The following CNTNAP4 variants were observed in gnomAD, a reference collection of about 807,000 sequenced individuals.
CNTNAP4 encodes contactin associated protein family member 4, also known as contactin-associated protein-like 4.
Under a neutral mutation model 148.4 loss-of-function variants are expected in CNTNAP4, and 98 were observed. The ratio of observed to expected loss-of-function variants is 0.66; its 90% CI spans 0.56 to 0.78. CNTNAP4 has a LOEUF of 0.78. CNTNAP4 is among the 30% of genes least tolerant of loss of function. The probability of loss-of-function intolerance (pLI) is 0.00; values close to 1 mark genes in which losing one functional copy is unlikely to be tolerated. For missense variants in CNTNAP4, 1,935 were observed against 1,565.6 expected (o/e 1.24, Z -3.98); for synonymous variants, 730 against 565.1 (o/e 1.29, Z -4.14).
intron 12 of CNTNAP4, among the ~76,000 whole-genome samples, chr16:76,487,916 T>A (rs1049120961): frequency 2.6e-5 from 4 of 152,158 alleles, no homozygotes; most frequent in African/African-American, 9.6e-5. Context: ...TACAGGGAAG[T>A]CTCACTCAGT....
chr16:76,310,451 A>G (rs143444814), intron 1 of CNTNAP4, among the ~76,000 whole-genome samples: 263 of 152,308 alleles, frequency 1.7e-3, no homozygotes, highest in African/African-American at 5.4e-3. Flanking sequence ...TGTTTTGTTC[A>G]GGAAAATAGA....
rs2085359667 is a variant in CNTNAP4 at position 76,560,133 on chromosome 16, A to G, written c.*1450A>G. ...AACTATCTTTGAATTCTGCAAGCCAATCATACAATAAAGGCACTCTATTAT... is the reference window on the plus strand; with the variant it reads ...AACTATCTTTGAATTCTGCAAGCCAGTCATACAATAAAGGCACTCTATTAT... On this transcript the variant is annotated 3_prime_UTR_variant, in exon 24 of 24. Coordinates refer to ENST00000611870, the MANE Select transcript of CNTNAP4 (RefSeq NM_033401.5). 6.6e-6 allele frequency among the ~76,000 whole-genome samples: 1 copy of G among 152,186 alleles called. No homozygotes were observed. The highest frequency in any genetic ancestry group is 2.4e-5 in the African/African-American group (1 of 41,444).
intron 21 of CNTNAP4, among the ~76,000 whole-genome samples, chr16:76,541,697 G>T (rs1327001096): frequency 1.3e-5 from 2 of 152,228 alleles, no homozygotes; most frequent in East Asian, 1.9e-4. Flanking sequence ...AAACCCATAG[G>T]TGAATGATCA....
chr16:76,314,109 T>A (rs1423569521), intron 1 of CNTNAP4, among the ~76,000 whole-genome samples: 1 of 151,458 alleles, frequency 6.6e-6, no homozygotes, highest in Non-Finnish European at 1.5e-5. Flanking sequence ...CATAAAAGGG[T>A]AGATAGACGA....
chr16:76,286,843 A>G (rs1567581654), intron 1 of CNTNAP4, among the ~76,000 whole-genome samples: 1 of 152,204 alleles, frequency 6.6e-6, no homozygotes, highest in African/African-American at 2.4e-5. Context: ...ACATATTTAC[A>G]TTTGCCATGT....
intron 10 of CNTNAP4, among the ~76,000 whole-genome samples, chr16:76,470,244 T>A (rs1204634828): frequency 6.6e-6 from 1 of 152,102 alleles, no homozygotes. Flanking sequence ...TGCCATGCCA[T>A]GCAGCCCCTC....
At chr16:76,521,413 C>G (rs76649440) in intron 16 of CNTNAP4, 103 bp downstream of exon 16, 11 of 899,516 alleles carry the variant, frequency 1.2e-5, no homozygotes, top group Non-Finnish European at 1.1e-5. Flanking sequence ...TCATCTGATT[C>G]TTTTCATTGC....
At chr16:76,519,279 A>C (rs2083368867) in intron 15 of CNTNAP4, among the ~76,000 whole-genome samples, 1 of 152,186 alleles carries the variant, frequency 6.6e-6, no homozygotes, top group Admixed American at 6.5e-5. Flanking sequence ...GCCTAAAGTA[A>C]TAAATTGGTT....
chr16:76,534,976 T>G (rs1360331311), intron 17 of CNTNAP4, among the ~76,000 whole-genome samples: 2 of 152,196 alleles, frequency 1.3e-5, no homozygotes, highest in African/African-American at 4.8e-5. Flanking sequence ...CACTGAACAC[T>G]AGACTAATCT....
chr16:76,489,859 A>C lies in CNTNAP4; in HGVS notation c.2056A>C (p.Lys686Gln). 1.3e-6 allele frequency: 2 copies of C among 1,566,648 alleles called. No individual in the cohort carries two copies. The highest frequency in any genetic ancestry group is 1.7e-6 in the Non-Finnish European group (2 of 1,148,758). ...ACAGGAGTTTACTTATTACTGCAAG[A>C]AGTCACGGCTGGTCAATAAGCAAGG... ...CEQEFTYYCK[K>Q]SRLVNKQDGT... Residue 686 changes from lysine (K) to glutamine (Q), a missense_variant, in exon 13 of 24, where the codon AAG becomes CAG. By Grantham distance (53) the Lys-to-Gln change is moderately conservative. Coordinates refer to ENST00000611870, the MANE Select transcript of CNTNAP4 (RefSeq NM_033401.5).
rs188844391 is a variant in CNTNAP4 at position 76,314,626 on chromosome 16, C to T, written c.86-1787C>T. ...CTCAAATTATTGGGACATCAGGACACGCCCAAGTCTGGGTCTGTTAAGTAA... is the reference window on the plus strand; with the variant it reads ...CTCAAATTATTGGGACATCAGGACATGCCCAAGTCTGGGTCTGTTAAGTAA... On this transcript the variant is annotated intron_variant, in intron 1 of 23. Transcript: ENST00000611870. 7.4e-4 allele frequency among the ~76,000 whole-genome samples: 112 copies of T among 152,264 alleles called. 1 individual carries two copies. The highest frequency in any genetic ancestry group is 2.5e-3 in the African/African-American group (104 of 41,556).
At chr16:76,322,764 A>T (rs6564317) in intron 2 of CNTNAP4, among the ~76,000 whole-genome samples, 5,632 of 152,256 alleles carry the variant, frequency 0.037, 359 homozygotes, top group African/African-American at 0.13. Context: ...ATATAAAGGT[A>T]ATCTCAGAGA....
chr16:76,417,198 T>C (rs1302652672), intron 3 of CNTNAP4, among the ~76,000 whole-genome samples: 2 of 151,476 alleles, frequency 1.3e-5, no homozygotes, highest in Non-Finnish European at 3.0e-5. Flanking sequence ...ATTGCTCACT[T>C]TTCAAGTGAT....
intron 3 of CNTNAP4, among the ~76,000 whole-genome samples, chr16:76,385,124 C>CT (rs994699848): frequency 1.3e-5 from 2 of 152,068 alleles, no homozygotes; most frequent in African/African-American, 4.8e-5. Flanking sequence ...TTTAAAGATC[C>CT]TTTTTTTAAA....
chr16:76,367,359 G>A (rs1011438041), intron 3 of CNTNAP4, among the ~76,000 whole-genome samples: 8 of 151,976 alleles, frequency 5.3e-5, no homozygotes, highest in South Asian at 2.1e-4. Flanking sequence ...AATATTGGAC[G>A]GGGCCTGTCT....
intron 2 of CNTNAP4, among the ~76,000 whole-genome samples, chr16:76,352,493 A>G (rs1234783994): frequency 1.3e-5 from 2 of 152,114 alleles, no homozygotes; most frequent in African/African-American, 2.4e-5. Flanking sequence ...CTGACCTATG[A>G]GAGGCACTGC....
At chr16:76,393,364 CT>C (rs2078092313) in intron 3 of CNTNAP4, among the ~76,000 whole-genome samples, 1 of 152,308 alleles carries the variant, frequency 6.6e-6, no homozygotes, top group Admixed American at 6.5e-5. Flanking sequence ...CTGTCATTTA[CT>C]TTACACTTGT....
intron 9 of CNTNAP4, among the ~76,000 whole-genome samples, chr16:76,466,756 C>G (rs948231311): frequency 6.6e-6 from 1 of 151,810 alleles, no homozygotes; most frequent in African/African-American, 2.4e-5. Flanking sequence ...AGAATAAAAT[C>G]AAACTGTGAA....
intron 2 of CNTNAP4, among the ~76,000 whole-genome samples, chr16:76,345,074 G>C (rs1964793018): frequency 6.6e-6 from 1 of 152,148 alleles, no homozygotes; most frequent in African/African-American, 2.4e-5. Flanking sequence ...CTATTCCTTT[G>C]AATGGTCTCT....
Sources: gnomAD v4.1 joint callset for allele counts (sites outside exome capture counted in the v4.1 genomes callset) on GRCh38, gnomAD v4.1.1 for gene constraint, MANE v1.5 for transcripts, NCBI Gene and HGNC (gene_info 2026-07-23, HGNC 2026-07-21) for gene names.